Variants in RTTN observed in about 807,000 individuals in gnomAD.
RTTN encodes rotatin.
Under a neutral mutation model 269.2 loss-of-function variants are expected in RTTN, and 182 were observed. The observed-to-expected ratio is 0.68, with a 90% CI of 0.60 to 0.76. The LOEUF (loss-of-function observed/expected upper bound fraction) is 0.76. Ranked by LOEUF, RTTN falls within the 30% of genes least tolerant of loss-of-function variation. RTTN has a pLI of 0.00. For synonymous variants in RTTN, 1,006 were observed against 963.5 expected (o/e 1.04, Z -0.82); for missense variants, 2,545 against 2,608.6 (o/e 0.98, Z 0.53).
chr18:70,024,736 G>A lies in RTTN; in HGVS notation c.5936C>T (p.Ala1979Val), dbSNP rs1424275889. Residue 1979 changes from alanine to valine, a missense_variant, in exon 44 of 49, where the codon GCA becomes GTA. By Grantham distance (64) the Ala-to-Val change is moderately conservative. Transcript: ENST00000640769. ...ISLQLLCVYT[A>V]NFPNGCSSLC... is the part of the protein sequence containing the mutation. ...GATCCTATTACCATTTGGAAAATTTGCAGTATAGACACAAAGGAGCTGCAG... is the reference window on the plus strand; with the variant it reads ...GATCCTATTACCATTTGGAAAATTTACAGTATAGACACAAAGGAGCTGCAG... The A allele has an allele frequency of 2.5e-6, 4 of 1,613,408 alleles. No individual in the cohort carries two copies. Among genetic ancestry groups the A allele is most frequent in the Non-Finnish European group, 2.5e-6 (3 of 1,179,492 alleles).
Position 70,065,838 on chromosome 18 carries a change from C to G in RTTN, c.4738G>C (p.Val1580Leu). Residue 1580 changes from valine to leucine, a missense_variant, in exon 35 of 49, where the codon GTG becomes CTG. Physicochemically the swap from Val to Leu is conservative, Grantham distance 32 (BLOSUM62 1). Coordinates refer to ENST00000640769, the MANE Select transcript of RTTN (RefSeq NM_173630.4). ...LLPEASHDQFVAQGHQESTSP... is the reference protein window; with the variant it reads ...LLPEASHDQFLAQGHQESTSP... The stretch of plus-strand genomic sequence containing the variant: ...TTCACTAAAAGGATACCTTGAGCCA[C>G]AAACTGGTCATGGGAGGCTTCAGGT... 3 of 1,591,302 alleles carry G rather than the reference C, an allele frequency of 1.9e-6. No individual in the cohort carries two copies. The African/African-American group carries it at 4.0e-5, about 21-fold the overall frequency.
intron 28 of RTTN, among the ~76,000 whole-genome samples, chr18:70,102,250 C>G (rs1228555728): frequency 6.6e-6 from 1 of 152,188 alleles, no homozygotes; most frequent in African/African-American, 2.4e-5. Context: ...CTTTATGAAT[C>G]TGGGTGCTCC....
intron 12 of RTTN, 137 bp from the exon 13 acceptor site, chr18:70,167,168 TC>T (rs2061009304): frequency 1.6e-6 from 1 of 608,892 alleles, no homozygotes; most frequent in African/African-American, 1.9e-5. Flanking sequence ...GTCCACTTTC[TC>T]ATCAAGCAAC....
chr18:70,099,301 G>A (rs959764937), intron 28 of RTTN, among the ~76,000 whole-genome samples: 2 of 152,162 alleles, frequency 1.3e-5, no homozygotes, highest in Non-Finnish European at 2.9e-5. Context: ...GGTGTGAGAT[G>A]GTTTCTCATT....
chr18:70,172,460 G>T (rs1284308874), intron 11 of RTTN, among the ~76,000 whole-genome samples: 1 of 152,006 alleles, frequency 6.6e-6, no homozygotes, highest in African/African-American at 2.4e-5. Flanking sequence ...ATAAACCAAA[G>T]AAGAAATTTA....
Position 70,031,497 on chromosome 18 carries a change from T to C in RTTN, c.5542-516A>G, listed in dbSNP as rs1001931113. On this transcript the variant is annotated intron_variant, in intron 40 of 48. Coordinates refer to ENST00000640769, the MANE Select transcript of RTTN (RefSeq NM_173630.4). ...CATATAACATTTTCTCAAAAAATAG[T>C]GTGTAACTTTTTTGACTTTCAGAGA... 1.8e-5 allele frequency: 7 copies of C among 396,788 alleles called. No individual in the cohort carries two copies. The East Asian group carries it at 2.5e-4, about 14-fold the overall frequency. 24.6% of individuals were successfully genotyped at this position (396,788 alleles called of 1,614,324 possible).
intron 34 of RTTN, among the ~76,000 whole-genome samples, chr18:70,070,072 T>C (rs1422871715): frequency 1.3e-5 from 2 of 152,188 alleles, no homozygotes; most frequent in African/African-American, 4.8e-5. Context: ...GTACAATATA[T>C]GTAAAAAAAA....
intron 40 of RTTN, among the ~76,000 whole-genome samples, chr18:70,045,314 A>G (rs977181521): frequency 1.3e-5 from 2 of 152,204 alleles, no homozygotes; most frequent in Non-Finnish European, 2.9e-5. Context: ...ATCATTTTGC[A>G]CTTGAAGAAC....
chr18:70,148,954 C>A lies in RTTN; in HGVS notation c.2256G>T (p.Pro752=), dbSNP rs778505726. ...GCATGGACTTTAATCGGGTAGTACA[C>A]GGAAGCATCTCTTCTGTGTCAGAAC... is the stretch of plus-strand genomic sequence containing the variant. ...KASSDTEEML[P]CTTRLKSMLR... Residue 752 remains proline (P), a synonymous_variant, in exon 17 of 49, where the codon CCG becomes CCT. Coordinates refer to ENST00000640769, the MANE Select transcript of RTTN (RefSeq NM_173630.4). 6.2e-7 allele frequency: 1 copy of A among 1,613,578 alleles called. No homozygotes were observed. The highest frequency in any genetic ancestry group is 1.1e-5 in the South Asian group (1 of 91,064).
intron 10 of RTTN, among the ~76,000 whole-genome samples, chr18:70,177,206 A>G (rs2061324273): frequency 6.6e-6 from 1 of 152,184 alleles, no homozygotes. Context: ...ACCCCTCGTC[A>G]AGTATTTCTT....
Position 70,149,012 on chromosome 18 carries a change from A to C in RTTN, c.2198T>G (p.Leu733Arg). Reference protein sequence around the residue: ...LQGYADTEDPLGNCILLLSKA... With the variant: ...LQGYADTEDPRGNCILLLSKA... ...GCTTAGAAGGAGAATGCAGTTACCCAGAGGATCTTCTGTGTCGGCATAGCC... is the reference window on the plus strand; with the variant it reads ...GCTTAGAAGGAGAATGCAGTTACCCCGAGGATCTTCTGTGTCGGCATAGCC... The change falls in exon 17 of 49, where the codon CTG becomes CGG. Residue 733 changes from leucine (L) to arginine (R), a missense_variant. Leu to Arg is a moderately radical substitution (Grantham distance 102, BLOSUM62 -2). Coordinates refer to ENST00000640769, the MANE Select transcript of RTTN (RefSeq NM_173630.4). 6.2e-7 allele frequency: 1 copy of C among 1,613,434 alleles called. No homozygotes were observed. Among genetic ancestry groups the C allele is most frequent in the South Asian group, 1.1e-5 (1 of 91,046 alleles).
In RTTN at chr18:70,054,227, A is replaced by G. The variant is rs973717604; in HGVS notation, c.5089T>C (p.Leu1697=). ...SLSRLLQSCL[L]VEPDLVIQDE... ...TGAATCACAAGGTCAGGCTCCACCAATAAACATGACTGCAGAAGCCTGGAC... is the reference window on the plus strand; with the variant it reads ...TGAATCACAAGGTCAGGCTCCACCAGTAAACATGACTGCAGAAGCCTGGAC... Residue 1697 remains leucine (L), a synonymous_variant, in exon 38 of 49, where the codon TTG becomes CTG. Transcript: ENST00000640769. 3.1e-6 allele frequency: 5 copies of G among 1,613,930 alleles called. No homozygotes were observed. In the African/African-American group the frequency reaches 5.3e-5, roughly 17 times the overall value.
intron 34 of RTTN, among the ~76,000 whole-genome samples, chr18:70,073,378 C>A (rs556394966): frequency 6.6e-6 from 1 of 152,192 alleles, no homozygotes; most frequent in African/African-American, 2.4e-5. Flanking sequence ...CTATGTGATG[C>A]AAGTATTTAG....
intron 17 of RTTN, among the ~76,000 whole-genome samples, chr18:70,147,107 A>G (rs372429954): frequency 1.1e-4 from 16 of 152,332 alleles, no homozygotes; most frequent in African/African-American, 2.6e-4. Context: ...GTTCTCTGGT[A>G]TATACATTTA....
At chr18:70,048,491 C>T (rs2057557300) in intron 39 of RTTN, among the ~76,000 whole-genome samples, 1 of 152,218 alleles carries the variant, frequency 6.6e-6, no homozygotes. Context: ...AAGGAATTTA[C>T]ACTGAAACAG....
chr18:70,013,889 A>G (rs1293423766), intron 46 of RTTN, among the ~76,000 whole-genome samples: 1 of 152,168 alleles, frequency 6.6e-6, no homozygotes, highest in Non-Finnish European at 1.5e-5. Context: ...GTCTTGATAT[A>G]TCTGCTGTGT....
chr18:70,187,142 A>C (rs1400710380), intron 10 of RTTN, among the ~76,000 whole-genome samples: 1 of 152,224 alleles, frequency 6.6e-6, no homozygotes, highest in Non-Finnish European at 1.5e-5. Context: ...ATATCCATCA[A>C]GAGACTAGGT....
chr18:70,104,027 GT>G (rs997470134), intron 28 of RTTN, among the ~76,000 whole-genome samples: 2 of 152,172 alleles, frequency 1.3e-5, no homozygotes, highest in Admixed American at 1.3e-4. Context: ...GAATTTGAAT[GT>G]TGGCCTGCCT....
chr18:70,024,757 T>C lies in RTTN; in HGVS notation c.5915A>G (p.Gln1972Arg), dbSNP rs1304218965. Residue 1972 changes from glutamine to arginine, a missense_variant, in exon 44 of 49, where the codon CAG (glutamine) becomes CGG (arginine). Gln to Arg is a conservative substitution (Grantham distance 43, BLOSUM62 1). Transcript: ENST00000640769. ...ATTTGCAGTATAGACACAAAGGAGC[T>C]GCAGAGAAATTTGCATCAATGAATC... ...MDDSLMQISL[Q>R]LLCVYTANFP... The C allele has an allele frequency of 2.5e-6, 4 of 1,613,874 alleles. No individual in the cohort carries two copies. In the African/African-American group the frequency reaches 5.3e-5, roughly 22 times the overall value.
Sources: allele counts gnomAD v4.1 joint callset (sites outside exome capture counted in the v4.1 genomes callset), GRCh38; gene constraint gnomAD v4.1.1; transcripts MANE v1.5; gene names NCBI Gene and HGNC (gene_info 2026-07-23, HGNC 2026-07-21).